The following CNOT1 variants were observed in gnomAD, a reference collection of about 807,000 sequenced individuals.
The protein encoded by CNOT1 is CCR4-associated factor 1.
A neutral mutation model predicts 273.8 loss-of-function variants in CNOT1; 15 were observed. That is an observed-to-expected ratio of 0.05 (90% confidence interval 0.04 to 0.08). The LOEUF (loss-of-function observed/expected upper bound fraction) is 0.08. Among genes scored for constraint, CNOT1 ranks in the 10% least tolerant of loss-of-function variants. The probability of loss-of-function intolerance (pLI) is 1.00; values close to 1 mark genes in which losing one functional copy is unlikely to be tolerated. For synonymous variants in CNOT1, 1,022 were observed against 1,005.5 expected, an observed-to-expected ratio of 1.02 and a Z score of -0.31; for missense variants, 1,644 against 2,912.2, an observed-to-expected ratio of 0.56 and a Z score of 10.02.
intron 18 of CNOT1, 29 bp downstream of exon 18, chr16:58,558,444 A>T: frequency 6.2e-7 from 1 of 1,612,618 alleles, no homozygotes; most frequent in East Asian, 2.2e-5. Flanking sequence ...CTTATGAATA[A>T]TCCATGCTCT....
intron 24 of CNOT1, among the ~76,000 whole-genome samples, chr16:58,550,918 T>C (rs2040429965): frequency 6.6e-6 from 1 of 152,214 alleles, no homozygotes. Flanking sequence ...ATGAGAACAT[T>C]AAGCTTATTT....
rs42947 is a variant in CNOT1, at chr16:58,545,254, A to C, written c.4137+107T>G. ...CTCCATCCTCTCTGACAAACTCTAC[A>C]ACCTAGGAATCCAGAGGGAAGGGCA... On this transcript the variant is annotated intron_variant, in intron 30 of 48. Coordinates refer to ENST00000317147, the MANE Select transcript of CNOT1 (RefSeq NM_016284.5). 0.26 allele frequency: 390,607 copies of C among 1,514,716 alleles called. 52,730 individuals carry two copies. The highest frequency in any genetic ancestry group is 0.4 in the Admixed American group (19,478 of 48,266). The allele number at this position is 1,514,716 out of a possible 1,614,324, so 93.8% of individuals were successfully genotyped here. A position where few individuals can be genotyped will look rare whatever the true frequency, so the allele number is the denominator to read the frequency against.
intron 39 of CNOT1, among the ~76,000 whole-genome samples, chr16:58,536,499 C>G (rs2039935406): frequency 6.6e-6 from 1 of 152,142 alleles, no homozygotes; most frequent in African/African-American, 2.4e-5. Flanking sequence ...GTCCAACTTG[C>G]ATCAAATCTA....
Position 58,553,966 on chromosome 16 carries a change from T to C in CNOT1, c.2892-106A>G, listed in dbSNP as rs1036852295. 12 of 1,350,316 alleles carry C rather than the reference T, an allele frequency of 8.9e-6. No individual in the cohort carries two copies. In the African/African-American group the frequency reaches 1.8e-4, roughly 21 times the overall value. The allele number at this position is 1,350,316 out of a possible 1,614,324, so 83.6% of individuals were successfully genotyped here. A position where few individuals can be genotyped will look rare whatever the true frequency, so the allele number is the denominator to read the frequency against. ...CTAGGTCATTTTTTTCCATCTTACC[T>C]ATGAATAACTTATTTGAAGAAAATG... On this transcript the variant is annotated intron_variant, in intron 21 of 48. Coordinates refer to ENST00000317147, the MANE Select transcript of CNOT1 (RefSeq NM_016284.5).
chr16:58,581,028 CATCAT>C (rs2041638887), intron 11 of CNOT1, among the ~76,000 whole-genome samples: 3 of 27,234 alleles, frequency 1.1e-4, no homozygotes, highest in African/African-American at 6.6e-4. Flanking sequence ...TGGAAATGAA[CATCAT>C]TAAACTATTG....
Position 58,551,151 on chromosome 16 carries a change from T to A in CNOT1, c.3323A>T (p.Gln1108Leu). Residue 1108 changes from glutamine to leucine, a missense_variant, in exon 24 of 49, where the codon CAG becomes CTG. This residue lies in a region of CNOT1 where 124 missense variants were observed against 289.3 expected (regional missense o/e 0.43). Transcript: ENST00000317147. Reference protein sequence around the residue: ...KIAFIFNNLSQSNMTQKVEEL... With the variant: ...KIAFIFNNLSLSNMTQKVEEL... ...GCTCACCTTTTGTGTCATATTTGACTGTGAGAGATTATTGAAAATAAAAGC... is the reference window on the plus strand; with the variant it reads ...GCTCACCTTTTGTGTCATATTTGACAGTGAGAGATTATTGAAAATAAAAGC... The A allele has an allele frequency of 2.5e-6, 4 of 1,606,332 alleles. No individual in the cohort carries two copies. The highest frequency in any genetic ancestry group is 3.4e-6 in the Non-Finnish European group (4 of 1,178,248).
chr16:58,537,258 G>A (rs777999297), intron 38 of CNOT1, 38 bp from the exon 39 acceptor site: 5 of 1,532,282 alleles, frequency 3.3e-6, no homozygotes, highest in East Asian at 2.3e-5. Context: ...CAGTCTCCTC[G>A]TAGTTGTGAT....
Position 58,577,401 on chromosome 16 carries a change from T to C in CNOT1, c.1585-819A>G, listed in dbSNP as rs1266679430. Among the ~76,000 whole-genome samples the C allele has an allele frequency of 3.3e-5, 5 of 152,318 alleles. No homozygotes were observed. The East Asian group carries it at 9.6e-4, about 29-fold the overall frequency. On this transcript the variant is annotated intron_variant, in intron 13 of 48. Coordinates refer to ENST00000317147, the MANE Select transcript of CNOT1 (RefSeq NM_016284.5). ...GTTTATCATGCATTTTGTAAACTGTTAAAGTCTACAATGTTAATTGAGTCT... is the reference window on the plus strand; with the variant it reads ...GTTTATCATGCATTTTGTAAACTGTCAAAGTCTACAATGTTAATTGAGTCT...
intron 1 of CNOT1, among the ~76,000 whole-genome samples, chr16:58,602,439 G>A (rs1005071580): frequency 6.6e-6 from 1 of 150,992 alleles, no homozygotes; most frequent in African/African-American, 2.4e-5. Flanking sequence ...TATAATCCCA[G>A]CTACTTGGGA....
rs746178053 is a variant in CNOT1, at chr16:58,555,355, C to T, written c.2787G>A (p.Met929Ile). The part of the protein sequence containing the change: ...GIIEKGLVTY[M>I]ALGLALRYVL... ...CATATCGTAGAGCCAGACCTAGTGC[C>T]ATGTAAGTGACCAGTCCTTTCTCAA... The change falls in exon 21 of 49, where the codon ATG becomes ATA. Residue 929 changes from methionine to isoleucine, a missense_variant. By Grantham distance (10) the Met-to-Ile change is conservative (BLOSUM62 1). Around this residue, in one of 13 missense-constraint regions of CNOT1, gnomAD observed 74 missense variants for 184.6 expected, o/e 0.40. Transcript: ENST00000317147. 6.2e-7 allele frequency: 1 copy of T among 1,614,184 alleles called. No homozygotes were observed. The highest frequency in any genetic ancestry group is 1.1e-5 in the South Asian group (1 of 91,084).
At position 58,539,833 on chromosome 16, in the gene CNOT1, A is replaced by G. The variant is rs759656445; in HGVS notation, c.4927T>C (p.Leu1643=). 1.9e-6 allele frequency: 3 copies of G among 1,614,172 alleles called. No individual in the cohort carries two copies. In the East Asian group the frequency reaches 6.7e-5, roughly 36 times the overall value. The change falls in exon 35 of 49, where the codon TTG becomes CTG. Residue 1643 remains leucine (L), a synonymous_variant. Transcript: ENST00000317147. The stretch of plus-strand genomic sequence containing the variant: ...TTTCGAGATAAAACTACAACCTCCA[A>G]GAGACTTCGAAGAGCCTGAGCTTGA... ...NPQAQALRSL[L]EVVVLSRNSR... is the part of the protein sequence containing the mutation.
At chr16:58,627,275 G>A (rs895342956) in intron 1 of CNOT1, among the ~76,000 whole-genome samples, 12 of 151,312 alleles carry the variant, frequency 7.9e-5, no homozygotes, top group East Asian at 1.9e-4. Flanking sequence ...GTGTGGTGGC[G>A]GGCACCTGTA....
chr16:58,536,822 C>T (rs1258966174), intron 39 of CNOT1, 167 bp downstream of exon 39: 1 of 1,175,610 alleles, frequency 8.5e-7, no homozygotes, highest in Non-Finnish European at 1.2e-6. Flanking sequence ...AGTGATCAAC[C>T]ATGAGAAAAC....
intron 1 of CNOT1, among the ~76,000 whole-genome samples, chr16:58,606,923 G>C (rs77405162): frequency 4.9e-4 from 5 of 10,168 alleles, no homozygotes; most frequent in African/African-American, 3.5e-3. Context: ...CTGCAGAGCT[G>C]GGGGGGGGAA....
intron 1 of CNOT1, among the ~76,000 whole-genome samples, chr16:58,616,381 C>T (rs889788192): frequency 6.0e-5 from 9 of 149,426 alleles, no homozygotes; most frequent in Non-Finnish European, 1.0e-4. Context: ...GCTGGGATTA[C>T]AGGCGTGAGC....
At position 58,586,539 on chromosome 16, in the gene CNOT1, C is replaced by T. The variant is rs1260740049; in HGVS notation, c.637+6G>A. On this transcript the variant is annotated splice_donor_region_variant and intron_variant, in intron 7 of 48. Transcript: ENST00000317147. ...CACCCACTGTAGGCTACAAAGACTC[C>T]CTTACCTCTGCGCAGCGTCTTAAGA... The T allele has an allele frequency of 3.7e-6, 6 of 1,608,214 alleles. No individual in the cohort carries two copies. The highest frequency in any genetic ancestry group is 1.4e-5 in the African/African-American group (1 of 73,682).
chr16:58,602,734 A>G (rs2042519741), intron 1 of CNOT1, among the ~76,000 whole-genome samples: 1 of 151,532 alleles, frequency 6.6e-6, no homozygotes, highest in South Asian at 2.1e-4. Context: ...CTGTCTCAAA[A>G]AAATAAAATA....
intron 1 of CNOT1, among the ~76,000 whole-genome samples, chr16:58,617,983 G>A (rs1309895813): frequency 2.0e-5 from 3 of 152,132 alleles, no homozygotes; most frequent in Admixed American, 6.6e-5. Flanking sequence ...TAGAGCGTGG[G>A]TAACAGAGCA....
chr16:58,573,638 G>A (rs1371956428), intron 16 of CNOT1, among the ~76,000 whole-genome samples: 2 of 151,432 alleles, frequency 1.3e-5, no homozygotes, highest in East Asian at 2.0e-4. Context: ...CCGCCACCAC[G>A]CCTAGCTAAT....
Sources: gnomAD v4.1 joint callset for allele counts (sites outside exome capture counted in the v4.1 genomes callset) on GRCh38, gnomAD v4.1.1 for gene constraint, gnomAD v4.1.1 regional missense constraint, MANE v1.5 for transcripts, NCBI Gene and HGNC (gene_info 2026-07-23, HGNC 2026-07-21) for gene names.